MEI4: variants seen among roughly 807,000 people sequenced by gnomAD.
MEI4 encodes meiotic double-stranded break formation protein 4.
Under a neutral mutation model 31.4 loss-of-function variants are expected in MEI4, and 27 were observed. The ratio of observed to expected loss-of-function variants is 0.86; its 90% CI spans 0.63 to 1.19. The LOEUF (loss-of-function observed/expected upper bound fraction) is 1.19. Among genes scored for constraint, MEI4 ranks in the 50% most tolerant of loss-of-function variants. The pLI, the probability that MEI4 is intolerant of heterozygous loss-of-function variation, is 0.00. For synonymous variants in MEI4, 122 were observed against 145.4 expected (o/e 0.84, Z 1.16); for missense variants, 329 against 398.9 (o/e 0.82, Z 1.49).
At chr6:77,874,834 A>C (rs1771291130) in intron 4 of MEI4, among the ~76,000 whole-genome samples, 1 of 152,130 alleles carries the variant, frequency 6.6e-6, no homozygotes, top group Non-Finnish European at 1.5e-5. Flanking sequence ...GAATTTTGTC[A>C]AAGGCCTTTT....
At position 77,712,828 on chromosome 6, in the gene MEI4, G is replaced by A. The variant is rs191287503; in HGVS notation, c.232+21925G>A. Among the ~76,000 whole-genome samples, 1,273 of 152,058 alleles carry A rather than the reference G, an allele frequency of 8.4e-3. 15 individuals carry two copies. Among genetic ancestry groups the A allele is most frequent in the African/African-American group, 0.028 (1,162 of 41,466 alleles). On this transcript the variant is annotated intron_variant, in intron 2 of 4. Transcript: ENST00000684080. ...CTACTAAAAATACAAAAAACTAGCC[G>A]GGTGTGGTGGTGGGCGCCTGTAGTC...
At position 77,794,679 on chromosome 6, in the gene MEI4, C is replaced by T. The variant is rs374482684; in HGVS notation, c.768+33014C>T. Reference sequence around the variant, plus strand: ...AATAGTAAGGGGCATCAGAACCCCACTTTCAACAATAGATAGACCATCCAG... The same window carrying T: ...AATAGTAAGGGGCATCAGAACCCCATTTTCAACAATAGATAGACCATCCAG... On this transcript the variant is annotated intron_variant, in intron 3 of 4. Coordinates refer to ENST00000684080, the MANE Select transcript of MEI4 (RefSeq NM_001322247.2). Among the ~76,000 whole-genome samples, 6 of 151,872 alleles carry T rather than the reference C, an allele frequency of 4.0e-5. No homozygotes were observed. The East Asian group carries it at 1.2e-3, about 30-fold the overall frequency.
At chr6:77,806,220 G>A (rs771810882) in intron 3 of MEI4, among the ~76,000 whole-genome samples, 9 of 152,030 alleles carry the variant, frequency 5.9e-5, no homozygotes, top group African/African-American at 1.4e-4. Context: ...TGGGCTTTAC[G>A]AAAAATAAAT....
At chr6:77,894,039 G>GA (rs1029857636) in intron 4 of MEI4, among the ~76,000 whole-genome samples, 2 of 151,950 alleles carry the variant, frequency 1.3e-5, no homozygotes, top group East Asian at 3.9e-4. Flanking sequence ...TTATTAAGTG[G>GA]AAAAAAATTT....
At chr6:77,865,413 C>T (rs777355162) in intron 4 of MEI4, among the ~76,000 whole-genome samples, 3 of 152,156 alleles carry the variant, frequency 2.0e-5, no homozygotes, top group African/African-American at 7.2e-5. Flanking sequence ...GGCAATCCCA[C>T]AGAAATTCAA....
intron 4 of MEI4, among the ~76,000 whole-genome samples, chr6:77,874,565 A>G (rs1227103418): frequency 6.6e-6 from 1 of 152,096 alleles, no homozygotes; most frequent in East Asian, 1.9e-4. Flanking sequence ...GGACAATTTG[A>G]CTTCCTCTTT....
chr6:77,684,455 T>TG (rs1239015640), intron 1 of MEI4, among the ~76,000 whole-genome samples: 1 of 152,010 alleles, frequency 6.6e-6, no homozygotes, highest in Non-Finnish European at 1.5e-5. Flanking sequence ...CTGTCTACTT[T>TG]TTTTTTTGGT....
At chr6:77,902,329 C>T (rs1471958869) in intron 4 of MEI4, among the ~76,000 whole-genome samples, 1 of 151,994 alleles carries the variant, frequency 6.6e-6, no homozygotes, top group Non-Finnish European at 1.5e-5. Context: ...TTAATTCTTC[C>T]AGTCCATGAA....
chr6:77,760,952 A>G (rs1768028252), intron 2 of MEI4, among the ~76,000 whole-genome samples, 178 bp from the exon 3 acceptor site: 2 of 152,172 alleles, frequency 1.3e-5, no homozygotes, highest in African/African-American at 4.8e-5. Context: ...TTTTTCTACA[A>G]TCTCTACAAT....
intron 2 of MEI4, among the ~76,000 whole-genome samples, chr6:77,727,904 T>C (rs922000179): frequency 2.0e-5 from 3 of 151,638 alleles, no homozygotes; most frequent in Non-Finnish European, 4.4e-5. Context: ...TCTGTCTCTT[T>C]GATCGTAACA....
intron 2 of MEI4, among the ~76,000 whole-genome samples, chr6:77,745,245 C>A (rs996056374): frequency 5.3e-5 from 8 of 152,076 alleles, no homozygotes; most frequent in African/African-American, 1.9e-4. Context: ...CAGAGACACA[C>A]ATAGGCTCAA....
chr6:77,863,441 A>G (rs1770926541), intron 4 of MEI4, among the ~76,000 whole-genome samples: 1 of 152,176 alleles, frequency 6.6e-6, no homozygotes, highest in African/African-American at 2.4e-5. Context: ...CAAATGCACA[A>G]GCCTCAGTAG....
intron 3 of MEI4, among the ~76,000 whole-genome samples, chr6:77,802,057 G>A (rs1228895337): frequency 6.6e-6 from 1 of 152,116 alleles, no homozygotes; most frequent in African/African-American, 2.4e-5. Context: ...TCTGTCTAAT[G>A]TTGACAGTGG....
At chr6:77,744,117 G>T (rs1582091436) in intron 2 of MEI4, among the ~76,000 whole-genome samples, 1 of 152,184 alleles carries the variant, frequency 6.6e-6, no homozygotes, top group Admixed American at 6.5e-5. Flanking sequence ...AAGCTGGATG[G>T]AGAATGACTT....
intron 3 of MEI4, among the ~76,000 whole-genome samples, chr6:77,810,290 A>G (rs1174645175): frequency 1.3e-5 from 2 of 152,152 alleles, no homozygotes; most frequent in African/African-American, 4.8e-5. Context: ...GGATCTGCAA[A>G]TCTTCCTCCA....
chr6:77,699,189 C>CTT (rs70974682), intron 2 of MEI4, among the ~76,000 whole-genome samples: 43,826 of 113,690 alleles, frequency 0.39, 9,950 homozygotes, highest in East Asian at 0.5. Flanking sequence ...TTCAAAGTTT[C>CTT]TTTTTTTTTT....
At chr6:77,684,083 T>C (rs1213025758) in intron 1 of MEI4, among the ~76,000 whole-genome samples, 1 of 152,192 alleles carries the variant, frequency 6.6e-6, no homozygotes, top group Admixed American at 6.5e-5. Flanking sequence ...TAAGATGATA[T>C]CTCATTGTGG....
At chr6:77,697,185 C>G (rs1435946534) in intron 2 of MEI4, among the ~76,000 whole-genome samples, 1 of 152,160 alleles carries the variant, frequency 6.6e-6, no homozygotes, top group Non-Finnish European at 1.5e-5. Context: ...TGCTAGCGGT[C>G]TATCAATTTT....
intron 1 of MEI4, among the ~76,000 whole-genome samples, chr6:77,662,245 T>C (rs1768527112): frequency 6.6e-6 from 1 of 152,172 alleles, no homozygotes; most frequent in Admixed American, 6.5e-5. Flanking sequence ...TGGAAGATAC[T>C]ACAGCATAGC....
Sources: allele counts gnomAD v4.1 joint callset (sites outside exome capture counted in the v4.1 genomes callset), GRCh38; gene constraint gnomAD v4.1.1; transcripts MANE v1.5; gene names NCBI Gene and HGNC (gene_info 2026-07-23, HGNC 2026-07-21).